Variants in RWDD3 observed in about 807,000 individuals in gnomAD.
RWDD3 encodes RWD domain-containing protein 3.
RWDD3 carries 30 observed loss-of-function variants against 26.5 expected under a neutral mutation model. That is an observed-to-expected ratio of 1.13 (90% CI 0.85 to 1.54). The LOEUF is 1.54. Ranked by LOEUF, RWDD3 falls within the 40% of genes most tolerant of loss-of-function variation. The probability of loss-of-function intolerance (pLI) is 0.00; values close to 1 mark genes in which losing one functional copy is unlikely to be tolerated. For missense variants in RWDD3, 296 were observed against 309.1 expected, an observed-to-expected ratio of 0.96 and a Z score of 0.32; for synonymous variants, 113 against 114.5, an observed-to-expected ratio of 0.99 and a Z score of 0.09.
intron 1 of RWDD3, among the ~76,000 whole-genome samples, chr1:95,238,305 C>T (rs574621780): frequency 6.6e-6 from 1 of 152,310 alleles, no homozygotes; most frequent in South Asian, 2.1e-4. Context: ...TCATGACTGT[C>T]ACACATTGAC....
chr1:95,247,102 CATT>C lies in RWDD3; in HGVS notation c.*236_*238del. 6.9e-6 allele frequency: 2 copies of C among 290,124 alleles called. No individual in the cohort carries two copies. The highest frequency in any genetic ancestry group is 1.3e-5 in the Non-Finnish European group (2 of 158,782). 18.0% of individuals were successfully genotyped at this position (290,124 alleles called of 1,614,324 possible). A position where few individuals can be genotyped will look rare whatever the true frequency, so the allele number is the denominator to read the frequency against. ...GAAAGGCTAGGTTCAGTAGATGAGA[CATT>C]ATTTAAAAGATAAATTTAAAAAGAT... On this transcript the variant is annotated 3_prime_UTR_variant, in exon 4 of 4. Transcript: ENST00000370202.
intron 3 of RWDD3, 22 bp from the exon 4 acceptor site, chr1:95,246,734 G>T (rs1470964923): frequency 5.2e-6 from 8 of 1,539,574 alleles, no homozygotes; most frequent in South Asian, 2.4e-5. Flanking sequence ...GCATATTCAT[G>T]AGTTTCTTTT....
intron 1 of RWDD3, among the ~76,000 whole-genome samples, chr1:95,235,981 T>C (rs990350678): frequency 6.6e-6 from 1 of 152,216 alleles, no homozygotes; most frequent in African/African-American, 2.4e-5. Flanking sequence ...TAATGTTATA[T>C]TGTAGCTACC....
chr1:95,246,781 T>C lies in RWDD3; in HGVS notation c.715T>C (p.Tyr239His). Reference sequence around the variant, plus strand: ...GTTTCTGGCATTTGAAGTCAAAGAGTATTCAGCGTTGGATGAATTACAAAA... The same window carrying C: ...GTTTCTGGCATTTGAAGTCAAAGAGCATTCAGCGTTGGATGAATTACAAAA... ...KRFLAFEVKEYSALDELQKEF... is the reference protein window; with the variant it reads ...KRFLAFEVKEHSALDELQKEF... The change falls in exon 4 of 4, where the codon TAT becomes CAT. Residue 239 changes from tyrosine to histidine, a missense_variant. Physicochemically the swap from Tyr to His is moderately conservative, Grantham distance 83 (BLOSUM62 2). Transcript: ENST00000370202. 3 of 1,565,010 alleles carry C rather than the reference T, an allele frequency of 1.9e-6. No homozygotes were observed. The highest frequency in any genetic ancestry group is 2.6e-6 in the Non-Finnish European group (3 of 1,159,542).
chr1:95,239,794 G>A (rs1680529028), intron 1 of RWDD3: 24 of 1,285,982 alleles, frequency 1.9e-5, no homozygotes, highest in Non-Finnish European at 2.2e-5. Flanking sequence ...AAATAACACA[G>A]AGAAAAATGA....
chr1:95,245,073 T>C (rs1324161653), intron 2 of RWDD3: 1 of 190,350 alleles, frequency 5.3e-6, no homozygotes, highest in Non-Finnish European at 1.1e-5. Context: ...CAGCAAGGTG[T>C]GTATTTGTGG....
intron 2 of RWDD3, 66 bp from the exon 3 acceptor site, chr1:95,246,476 C>T: frequency 1.1e-6 from 1 of 881,602 alleles, no homozygotes. Flanking sequence ...GTTTATAGCT[C>T]CTTTAAAACT....
intron 1 of RWDD3, among the ~76,000 whole-genome samples, chr1:95,240,764 C>T (rs571342334): frequency 6.6e-6 from 1 of 151,540 alleles, no homozygotes; most frequent in African/African-American, 2.4e-5. Context: ...CAGAGAAAGG[C>T]CTGAATTAGG....
Position 95,244,427 on chromosome 1 carries a change from A to C in RWDD3, c.302A>C (p.His101Pro). 1 of 1,614,242 alleles carries C rather than the reference A, an allele frequency of 6.2e-7. No homozygotes were observed. Reference sequence around the variant, plus strand: ...AGCCTTTTGTCGGAGCCTATGGTTCATGAGCTGGTTCTCTGGATTCAGCAG... The same window carrying C: ...AGCCTTTTGTCGGAGCCTATGGTTCCTGAGCTGGTTCTCTGGATTCAGCAG... ...AESLLSEPMV[H>P]ELVLWIQQNL... Residue 101 changes from histidine (H) to proline (P), a missense_variant, in exon 2 of 4, where the codon CAT becomes CCT. His to Pro is a moderately conservative substitution (Grantham distance 77). Transcript: ENST00000370202.
At chr1:95,244,773 A>G (rs1062076) in intron 2 of RWDD3, 75 bp downstream of exon 2, 196,065 of 1,451,772 alleles carry the variant, frequency 0.14, 13,371 homozygotes, top group Admixed American at 0.16. Context: ...AGTGTGTTTT[A>G]TAACAATGGG....
Position 95,235,351 on chromosome 1 carries a change from CTTTTTTT to C in RWDD3, c.85+1055_85+1061del, listed in dbSNP as rs1166711835. Among the ~76,000 whole-genome samples the C allele has an allele frequency of 1.1e-3, 45 of 41,368 alleles. 1 individual carries two copies. Among genetic ancestry groups the C allele is most frequent in the Non-Finnish European group, 1.1e-3 (29 of 25,252 alleles). The allele number at this position is 41,368 out of a possible 152,430, so 27.1% of individuals were successfully genotyped here. On this transcript the variant is annotated intron_variant, in intron 1 of 3. Coordinates refer to ENST00000370202, the MANE Select transcript of RWDD3 (RefSeq NM_015485.5). ...ACAGGCGTGAGCCACTGCGCCCGGC[CTTTTTTT>C]TTTTTTTTTTTTTTTTTTGAGACAG...
chr1:95,238,332 A>G (rs1375020664), intron 1 of RWDD3, among the ~76,000 whole-genome samples: 3 of 152,218 alleles, frequency 2.0e-5, no homozygotes, highest in Non-Finnish European at 4.4e-5. Flanking sequence ...AAATCTGCTC[A>G]GCTCGGTTTT....
chr1:95,246,355 C>T lies in RWDD3; in HGVS notation c.574-187C>T, dbSNP rs1680850209. On this transcript the variant is annotated intron_variant, in intron 2 of 3. Transcript: ENST00000370202. Reference sequence around the variant, plus strand: ...AGGAGTTGGATTATATTGTTCTTTACTCCTGTATCCACCACTACATTATTC... The same window carrying T: ...AGGAGTTGGATTATATTGTTCTTTATTCCTGTATCCACCACTACATTATTC... 1.4e-5 allele frequency: 7 copies of T among 489,250 alleles called. No homozygotes were observed. The East Asian group carries it at 2.2e-4, about 16-fold the overall frequency. The allele number at this position is 489,250 out of a possible 1,614,324, so 30.3% of individuals were successfully genotyped here.
At chr1:95,242,068 TAAG>T (rs1002782025) in intron 1 of RWDD3, among the ~76,000 whole-genome samples, 6 of 152,218 alleles carry the variant, frequency 3.9e-5, no homozygotes, top group Admixed American at 6.5e-5. Context: ...CCCAGCCTTC[TAAG>T]AAGGTTTGTG....
intron 1 of RWDD3, chr1:95,239,772 A>C (rs1052134612): frequency 7.8e-7 from 1 of 1,277,524 alleles, no homozygotes; most frequent in African/African-American, 1.5e-5. Flanking sequence ...CTGTTTGCTG[A>C]CTAGGACCAG....
At chr1:95,245,589 C>T (rs541651813) in intron 2 of RWDD3, among the ~76,000 whole-genome samples, 99 of 152,244 alleles carry the variant, frequency 6.5e-4, no homozygotes, top group African/African-American at 2.3e-3. Flanking sequence ...GTTAACCAGA[C>T]TCATGCTGGG....
chr1:95,239,546 G>C (rs1481797736), intron 1 of RWDD3, among the ~76,000 whole-genome samples: 2 of 152,168 alleles, frequency 1.3e-5, no homozygotes, highest in Admixed American at 1.3e-4. Flanking sequence ...GGGCTTTTCA[G>C]TTTCTTGTAG....
intron 1 of RWDD3, among the ~76,000 whole-genome samples, chr1:95,236,357 A>G (rs1680358730): frequency 6.6e-6 from 1 of 152,116 alleles, no homozygotes; most frequent in Admixed American, 6.5e-5. Flanking sequence ...AGTAGTCTAA[A>G]AATGGGCTGG....
In RWDD3 at chr1:95,244,367, T is replaced by C. The variant is rs374725692; in HGVS notation, c.242T>C (p.Val81Ala). 28 of 1,614,048 alleles carry C rather than the reference T, an allele frequency of 1.7e-5. No individual in the cohort carries two copies. The highest frequency in any genetic ancestry group is 2.3e-5 in the Non-Finnish European group (27 of 1,180,042). Residue 81 changes from valine (V) to alanine (A), a missense_variant, in exon 2 of 4, where the codon GTG (valine) becomes GCG (alanine). By Grantham distance (64) the Val-to-Ala change is moderately conservative. Transcript: ENST00000370202. Reference protein sequence around the residue: ...NSEQLTRAQCVTVKENLLEQA... With the variant: ...NSEQLTRAQCATVKENLLEQA... ...GAACAGTTGACCAGGGCCCAGTGTGTGACTGTGAAAGAGAATTTACTTGAG... is the reference window on the plus strand; with the variant it reads ...GAACAGTTGACCAGGGCCCAGTGTGCGACTGTGAAAGAGAATTTACTTGAG...
Sources: allele counts gnomAD v4.1 joint callset (sites outside exome capture counted in the v4.1 genomes callset), GRCh38; gene constraint gnomAD v4.1.1; transcripts MANE v1.5; gene names NCBI Gene and HGNC (gene_info 2026-07-23, HGNC 2026-07-21).